Variants in UBE3C observed in about 807,000 individuals in gnomAD.
The protein encoded by UBE3C is ubiquitin protein ligase E3C.
A neutral mutation model predicts 129.4 loss-of-function variants in UBE3C; 42 were observed. The ratio of observed to expected loss-of-function variants is 0.32; its 90% confidence interval spans 0.25 to 0.42. The LOEUF is 0.42. Ranked by LOEUF, UBE3C falls within the 10% of genes least tolerant of loss-of-function variation. The pLI is 1.00. For synonymous variants in UBE3C, 510 were observed against 492.4 expected, an observed-to-expected ratio of 1.04 and a Z score of -0.47; for missense variants, 1,049 against 1,319.1, an observed-to-expected ratio of 0.80 and a Z score of 3.17.
rs753876575 is a variant in UBE3C, at chr7:157,220,780, A to T, written c.2002+4A>T. On this transcript the variant is annotated splice_donor_region_variant and intron_variant, in intron 15 of 22. Transcript: ENST00000348165. ...CCGCTGCAGTCCACCCTGGACGGTG[A>T]GTTCTCTAGGACACAGGGTTACTGA... 2 of 1,614,048 alleles carry T rather than the reference A, an allele frequency of 1.2e-6. No individual in the cohort carries two copies. The highest frequency in any genetic ancestry group is 3.3e-5 in the Admixed American group (2 of 60,026).
intron 19 of UBE3C, among the ~76,000 whole-genome samples, chr7:157,249,593 G>A (rs1372444883): frequency 6.6e-6 from 1 of 152,194 alleles, no homozygotes; most frequent in Non-Finnish European, 1.5e-5. Flanking sequence ...GATTACAGGC[G>A]TGAGCCACCG....
chr7:157,171,688 T>TATATATA (rs1808379626), intron 4 of UBE3C, among the ~76,000 whole-genome samples: 11 of 4,894 alleles, frequency 2.2e-3, no homozygotes, highest in Admixed American at 6.0e-3. Flanking sequence ...ATATATATAT[T>TATATATA]TTTTTTTTTT....
intron 22 of UBE3C, among the ~76,000 whole-genome samples, chr7:157,262,309 ATAT>A (rs1049915407): frequency 4.6e-5 from 7 of 150,692 alleles, no homozygotes; most frequent in Non-Finnish European, 1.0e-4. Context: ...ATTTTAGCAC[ATAT>A]TATATGCCAC....
In UBE3C at chr7:157,174,908, T is replaced by C. The variant is rs74965044; in HGVS notation, c.343-11T>C. 1.9e-6 allele frequency: 3 copies of C among 1,569,186 alleles called. No individual in the cohort carries two copies. The highest frequency in any genetic ancestry group is 2.6e-6 in the Non-Finnish European group (3 of 1,158,794). On this transcript the variant is annotated splice_polypyrimidine_tract_variant and intron_variant, in intron 4 of 22. Coordinates refer to ENST00000348165, the MANE Select transcript of UBE3C (RefSeq NM_014671.3). ...ATTGAGAGTTGTATATTTTATGTTT[T>C]GCTGTTTCAGATATGGCTGTATCAG...
chr7:157,172,729 C>T (rs1808411101), intron 4 of UBE3C, among the ~76,000 whole-genome samples: 1 of 152,158 alleles, frequency 6.6e-6, no homozygotes, highest in African/African-American at 2.4e-5. Flanking sequence ...CAGAATAGTA[C>T]AACGGCAGAT....
At chr7:157,202,175 T>C (rs17837725) in intron 11 of UBE3C, among the ~76,000 whole-genome samples, 26,033 of 152,212 alleles carry the variant, frequency 0.17, 2,473 homozygotes, top group East Asian at 0.35. Flanking sequence ...ATTAGAACAG[T>C]GTAGAAGTTT....
intron 10 of UBE3C, among the ~76,000 whole-genome samples, chr7:157,191,518 T>G (rs1226644135): frequency 1.3e-5 from 2 of 152,188 alleles, no homozygotes; most frequent in Non-Finnish European, 2.9e-5. Flanking sequence ...CTCGAACACC[T>G]GGGCCCAAGT....
intron 18 of UBE3C, among the ~76,000 whole-genome samples, chr7:157,239,255 A>C (rs1000180055): frequency 3.3e-5 from 5 of 152,228 alleles, no homozygotes; most frequent in African/African-American, 7.2e-5. Context: ...TATTCACAAG[A>C]CTTACTGAAT....
chr7:157,168,952 A>G, intron 2 of UBE3C, 96 bp from the exon 3 acceptor site: 1 of 897,610 alleles, frequency 1.1e-6, no homozygotes, highest in South Asian at 1.4e-5. Context: ...TATGTGAATT[A>G]CATAGCTGTT....
chr7:157,202,679 A>G (rs1229104407), intron 11 of UBE3C, among the ~76,000 whole-genome samples: 1 of 152,186 alleles, frequency 6.6e-6, no homozygotes, highest in African/African-American at 2.4e-5. Flanking sequence ...AAAGAAGTCT[A>G]TGCCAATCCC....
intron 18 of UBE3C, 120 bp from the exon 19 acceptor site, chr7:157,248,248 T>C (rs1265683415): frequency 3.5e-5 from 31 of 896,394 alleles, no homozygotes; most frequent in Non-Finnish European, 2.6e-5. Flanking sequence ...TCTTCGGTAC[T>C]ATGAGGAGAA....
chr7:157,246,029 ATGTC>A (rs1796467536), intron 18 of UBE3C, among the ~76,000 whole-genome samples: 2 of 151,204 alleles, frequency 1.3e-5, no homozygotes, highest in Admixed American at 6.6e-5. Context: ...GTTCTTCACA[ATGTC>A]TGTCATTTTC....
intron 13 of UBE3C, among the ~76,000 whole-genome samples, chr7:157,209,919 G>A (rs1312386979): frequency 2.6e-5 from 4 of 152,208 alleles, no homozygotes; most frequent in Non-Finnish European, 5.9e-5. Flanking sequence ...GGTGGCTCAC[G>A]CCTATAATCC....
intron 1 of UBE3C, among the ~76,000 whole-genome samples, chr7:157,154,209 A>C (rs7806314): frequency 2.0e-5 from 3 of 151,388 alleles, no homozygotes; most frequent in African/African-American, 7.3e-5. Flanking sequence ...TAATCCCAGC[A>C]ACTTGGGAGA....
rs3802132 is a variant in UBE3C, at chr7:157,151,304, C to T, written c.66+11966C>T. Among the ~76,000 whole-genome samples the T allele has an allele frequency of 5.9e-4, 90 of 152,346 alleles. 1 individual carries two copies. The East Asian group carries it at 0.015, about 26-fold the overall frequency. ...TTGTGGTTTTCCTTCTTACCTCTTA[C>T]CTTCTGTATCAGTAGTTATTGGCTA... On this transcript the variant is annotated intron_variant, in intron 1 of 22. Coordinates refer to ENST00000348165, the MANE Select transcript of UBE3C (RefSeq NM_014671.3).
At position 157,185,189 on chromosome 7, in the gene UBE3C, C is replaced by T. The variant is rs369409449; in HGVS notation, c.1143+1160C>T. Among the ~76,000 whole-genome samples, 185 of 152,294 alleles carry T rather than the reference C, an allele frequency of 1.2e-3. 2 individuals carry two copies. The highest frequency in any genetic ancestry group is 3.7e-3 in the African/African-American group (154 of 41,558). ...AAGATGAGGCTGTGGGCTTTCTCAG[C>T]GAGAGAGAGGACAGGTTTTTCCTCG... On this transcript the variant is annotated intron_variant, in intron 9 of 22. Transcript: ENST00000348165.
intron 21 of UBE3C, among the ~76,000 whole-genome samples, chr7:157,255,744 A>C (rs1034370684): frequency 6.6e-6 from 1 of 152,216 alleles, no homozygotes; most frequent in Admixed American, 6.5e-5. Context: ...ACAATGAGGG[A>C]ACAATATACA....
chr7:157,159,870 A>C (rs1397559228), intron 1 of UBE3C, among the ~76,000 whole-genome samples: 1 of 152,220 alleles, frequency 6.6e-6, no homozygotes, highest in Admixed American at 6.5e-5. Context: ...AGACATGTAA[A>C]TCAGAATTCT....
intron 18 of UBE3C, among the ~76,000 whole-genome samples, chr7:157,247,938 A>G (rs985430088): frequency 6.6e-6 from 1 of 151,996 alleles, no homozygotes; most frequent in African/African-American, 2.4e-5. Context: ...TTGTTTGGAA[A>G]TAGGGTCCAA....
Sources: allele counts gnomAD v4.1 joint callset (sites outside exome capture counted in the v4.1 genomes callset), GRCh38; gene constraint gnomAD v4.1.1; transcripts MANE v1.5; gene names NCBI Gene and HGNC (gene_info 2026-07-23, HGNC 2026-07-21).